Variants in PLPP4 observed in about 807,000 individuals in gnomAD.
PLPP4 encodes the protein phospholipid phosphatase 4, also known as diacylglycerol pyrophosphate like 2.
A neutral mutation model predicts 32.2 loss-of-function variants in PLPP4; 20 were observed. The observed-to-expected ratio is 0.62, with a 90% confidence interval of 0.44 to 0.90. The LOEUF (loss-of-function observed/expected upper bound fraction) is 0.90. Among genes scored for constraint, PLPP4 ranks in the 40% least tolerant of loss-of-function variants. The probability of loss-of-function intolerance (pLI) is 0.00; values close to 1 mark genes in which losing one functional copy is unlikely to be tolerated. For missense variants in PLPP4, 257 were observed against 353.1 expected, an observed-to-expected ratio of 0.73 and a Z score of 2.18; for synonymous variants, 127 against 133.0, an observed-to-expected ratio of 0.95 and a Z score of 0.31.
chr10:120,498,013 C>G (rs1845053416), intron 1 of PLPP4, among the ~76,000 whole-genome samples: 1 of 151,726 alleles, frequency 6.6e-6, no homozygotes, highest in Admixed American at 6.6e-5. Flanking sequence ...GCACTCCAGC[C>G]TGGGTGACAG....
At chr10:120,539,737 A>C (rs900229276) in intron 5 of PLPP4, among the ~76,000 whole-genome samples, 4 of 152,180 alleles carry the variant, frequency 2.6e-5, no homozygotes, top group Non-Finnish European at 5.9e-5. Context: ...ATTTCAGGCC[A>C]CAAGTTGTTC....
intron 1 of PLPP4, among the ~76,000 whole-genome samples, chr10:120,458,153 G>T (rs779885828): frequency 2.6e-5 from 4 of 152,140 alleles, no homozygotes; most frequent in African/African-American, 7.2e-5. Flanking sequence ...GGCCCAAGCT[G>T]CAGGGAGCTG....
At chr10:120,501,361 C>T (rs563960467) in intron 1 of PLPP4, among the ~76,000 whole-genome samples, 1 of 152,252 alleles carries the variant, frequency 6.6e-6, no homozygotes, top group Admixed American at 6.5e-5. Flanking sequence ...CAAAATCAAA[C>T]AAAGACCGAA....
intron 2 of PLPP4, among the ~76,000 whole-genome samples, chr10:120,513,514 G>A (rs1473597530): frequency 1.3e-5 from 2 of 152,204 alleles, no homozygotes; most frequent in East Asian, 3.8e-4. Flanking sequence ...GACTCTAAGT[G>A]AGTCTCAAAT....
intron 5 of PLPP4, among the ~76,000 whole-genome samples, chr10:120,531,001 C>A (rs576564354): frequency 6.6e-6 from 1 of 151,636 alleles, no homozygotes; most frequent in Admixed American, 6.6e-5. Flanking sequence ...AGCCTTCTGT[C>A]AGATAATTTT....
intron 1 of PLPP4, among the ~76,000 whole-genome samples, chr10:120,466,257 C>T (rs1235930783): frequency 6.6e-6 from 1 of 152,084 alleles, no homozygotes; most frequent in Non-Finnish European, 1.5e-5. Context: ...TGGCCCACTT[C>T]TGATGAAAAA....
In PLPP4 at chr10:120,589,692, C is replaced by T; in HGVS notation, c.*190C>T. 1.7e-6 allele frequency: 1 copy of T among 578,518 alleles called. No homozygotes were observed. The highest frequency in any genetic ancestry group is 3.0e-6 in the Non-Finnish European group (1 of 331,120). The allele number at this position is 578,518 out of a possible 1,614,324, so 35.8% of individuals were successfully genotyped here. On this transcript the variant is annotated 3_prime_UTR_variant, in exon 7 of 7. Transcript: ENST00000398250. The stretch of plus-strand genomic sequence containing the variant: ...TCTACTTCCAACATCCTTGAATTTG[C>T]AAGTGAAGGACAACAATCTCTGAGA...
At chr10:120,484,953 T>C (rs1844377434) in intron 1 of PLPP4, among the ~76,000 whole-genome samples, 1 of 152,096 alleles carries the variant, frequency 6.6e-6, no homozygotes, top group Non-Finnish European at 1.5e-5. Flanking sequence ...AGAGATGCAA[T>C]GTGTACAGGA....
Position 120,521,873 on chromosome 10 carries a change from G to A in PLPP4, c.445+778G>A, listed in dbSNP as rs72836021. Among the ~76,000 whole-genome samples the A allele has an allele frequency of 8.9e-3, 1,362 of 152,332 alleles. 8 individuals carry two copies. Among genetic ancestry groups the A allele is most frequent in the Non-Finnish European group, 0.016 (1,070 of 68,034 alleles). ...TTAATCCATGCAGTATATGTAAAGC[G>A]CTTAGTATTGTGACTTTCAATAAAC... is the stretch of plus-strand genomic sequence containing the variant. On this transcript the variant is annotated intron_variant, in intron 5 of 6. Transcript: ENST00000398250.
At chr10:120,517,444 G>A (rs1395858941) in intron 3 of PLPP4, among the ~76,000 whole-genome samples, 1 of 152,200 alleles carries the variant, frequency 6.6e-6, no homozygotes, top group Non-Finnish European at 1.5e-5. Context: ...GAGGAAGGAA[G>A]GATCTGTGTG....
chr10:120,588,100 C>G (rs1268980139), intron 6 of PLPP4, among the ~76,000 whole-genome samples: 1 of 152,214 alleles, frequency 6.6e-6, no homozygotes, highest in Non-Finnish European at 1.5e-5. Flanking sequence ...TGGGGCTGAT[C>G]CTGCCTGCCT....
intron 5 of PLPP4, among the ~76,000 whole-genome samples, chr10:120,529,328 T>C (rs1362069060): frequency 6.6e-6 from 1 of 152,162 alleles, no homozygotes; most frequent in Non-Finnish European, 1.5e-5. Context: ...ATGTGAATAG[T>C]GTCCAGGCTG....
intron 3 of PLPP4, among the ~76,000 whole-genome samples, chr10:120,517,073 G>A (rs1457036641): frequency 6.6e-6 from 1 of 152,114 alleles, no homozygotes; most frequent in Admixed American, 6.6e-5. Context: ...GCTCTGTGCT[G>A]CGATAAGCCC....
intron 1 of PLPP4, among the ~76,000 whole-genome samples, chr10:120,488,528 G>T (rs1844563847): frequency 6.6e-6 from 1 of 152,230 alleles, no homozygotes; most frequent in African/African-American, 2.4e-5. Context: ...TGAAAGAAAA[G>T]TAGGTGGATG....
At chr10:120,563,429 G>T (rs766949322) in intron 5 of PLPP4, among the ~76,000 whole-genome samples, 16 of 152,040 alleles carry the variant, frequency 1.1e-4, no homozygotes, top group Non-Finnish European at 2.1e-4. Context: ...TTTTTGGAGG[G>T]ATGCCTGGAA....
At chr10:120,504,874 C>G (rs910468191) in intron 2 of PLPP4, among the ~76,000 whole-genome samples, 2 of 152,220 alleles carry the variant, frequency 1.3e-5, no homozygotes, top group Non-Finnish European at 2.9e-5. Context: ...AATAAGACTA[C>G]CCTGTGCTTC....
chr10:120,518,269 C>G (rs1242040481), intron 3 of PLPP4, among the ~76,000 whole-genome samples: 1 of 152,112 alleles, frequency 6.6e-6, no homozygotes, highest in Non-Finnish European at 1.5e-5. Context: ...CCGGGCAGAC[C>G]TTCTCCAAAC....
At chr10:120,564,681 C>T (rs1244237426) in intron 5 of PLPP4, among the ~76,000 whole-genome samples, 1 of 151,788 alleles carries the variant, frequency 6.6e-6, no homozygotes, top group Admixed American at 6.6e-5. Flanking sequence ...TGTAATACTT[C>T]CTATTATACC....
intron 5 of PLPP4, among the ~76,000 whole-genome samples, chr10:120,561,510 C>T (rs1848433387): frequency 6.6e-6 from 1 of 152,040 alleles, no homozygotes; most frequent in Admixed American, 6.6e-5. Flanking sequence ...GCTGCAGTGT[C>T]CTAATCATTT....
Sources: allele counts gnomAD v4.1 joint callset (sites outside exome capture counted in the v4.1 genomes callset), GRCh38; gene constraint gnomAD v4.1.1; transcripts MANE v1.5; gene names NCBI Gene and HGNC (gene_info 2026-07-23, HGNC 2026-07-21).